UHRF1: variants seen among roughly 807,000 people sequenced by gnomAD.
UHRF1 encodes the protein ubiquitin like with PHD and ring finger domains 1, also known as E3 ubiquitin-protein ligase UHRF1.
UHRF1 carries 9 observed loss-of-function variants against 96.5 expected under a neutral mutation model. The observed-to-expected ratio is 0.09, with a 90% CI of 0.06 to 0.16. The LOEUF (loss-of-function observed/expected upper bound fraction) is 0.16, where lower values mean the gene tolerates loss of function less well. Ranked by LOEUF, UHRF1 falls within the 10% of genes least tolerant of loss-of-function variation. The pLI, the probability that UHRF1 is intolerant of heterozygous loss-of-function variation, is 1.00. For missense variants in UHRF1, 626 were observed against 1,131.1 expected (o/e 0.55, Z 6.40); for synonymous variants, 455 against 469.9 (o/e 0.97, Z 0.41).
Position 4,950,725 on chromosome 19 carries a change from T to C in UHRF1, c.1632T>C (p.Asn544=), listed in dbSNP as rs771751939. The C allele has an allele frequency of 3.1e-6, 5 of 1,606,772 alleles. No individual in the cohort carries two copies. The South Asian group carries it at 3.3e-5, about 11-fold the overall frequency. Residue 544 remains asparagine (N), a synonymous_variant, in exon 12 of 17, where the codon AAT becomes AAC. Coordinates refer to ENST00000650932, the MANE Select transcript of UHRF1 (RefSeq NM_001048201.3). ...RVVRNVKGGK[N]SKYAPAEGNR... Reference sequence around the variant, plus strand: ...TGCGCAATGTCAAGGGTGGCAAGAATAGCAAGTACGCCCCCGCTGAGGGCA... The same window carrying C: ...TGCGCAATGTCAAGGGTGGCAAGAACAGCAAGTACGCCCCCGCTGAGGGCA...
At position 4,915,884 on chromosome 19, in the gene UHRF1, C is replaced by T. The variant is rs1006436929; in HGVS notation, c.153+4846C>T. 3.9e-5 allele frequency among the ~76,000 whole-genome samples: 6 copies of T among 152,172 alleles called. No homozygotes were observed. In the South Asian group the frequency reaches 6.2e-4, roughly 16 times the overall value. The stretch of plus-strand genomic sequence containing the variant: ...TGGAATGTGCTGGAACAGATCCTTA[C>T]GTGCGCTGTGTTGGAGTCTTTCCAG... On this transcript the variant is annotated intron_variant, in intron 2 of 16. Coordinates refer to ENST00000650932, the MANE Select transcript of UHRF1 (RefSeq NM_001048201.3).
At chr19:4,937,322 A>C in intron 5 of UHRF1, among the ~76,000 whole-genome samples, 2 of 119,712 alleles carry the variant, frequency 1.7e-5, no homozygotes, top group African/African-American at 3.3e-5. Flanking sequence ...TTAACGACCC[A>C]TTGGATATCT....
intron 16 of UHRF1, among the ~76,000 whole-genome samples, chr19:4,957,434 G>A (rs1255791928): frequency 2.0e-5 from 3 of 149,588 alleles, no homozygotes; most frequent in African/African-American, 7.4e-5. Context: ...TCAGCCTCCC[G>A]AGTAGCTGGG....
rs561985429 is a variant in UHRF1, at chr19:4,942,028, G to T, written c.1073+97G>T. The T allele has an allele frequency of 2.2e-5, 28 of 1,275,966 alleles. No homozygotes were observed. In the South Asian group the frequency reaches 6.0e-4, roughly 27 times the overall value. 79.0% of individuals were successfully genotyped at this position (1,275,966 alleles called of 1,614,324 possible). ...ATACAGGAGAGGGGCAGGCGCGGGG[G>T]CTCACGCCTGCAATCCCAGTGCTTT... On this transcript the variant is annotated intron_variant, in intron 7 of 16. Transcript: ENST00000650932.
intron 5 of UHRF1, among the ~76,000 whole-genome samples, chr19:4,939,885 G>T (rs889863777): frequency 6.6e-6 from 1 of 152,054 alleles, no homozygotes; most frequent in Admixed American, 6.6e-5. Flanking sequence ...TTAGCCAGGC[G>T]TGGTGGCGGG....
At chr19:4,932,126 C>T (rs1308006365) in intron 4 of UHRF1, among the ~76,000 whole-genome samples, 2 of 152,050 alleles carry the variant, frequency 1.3e-5, no homozygotes, top group African/African-American at 2.4e-5. Flanking sequence ...TGGGGTTTCT[C>T]CATGTTGGCT....
chr19:4,907,255 A>C (rs1599228764), upstream of UHRF1, among the ~76,000 whole-genome samples: 1 of 151,656 alleles, frequency 6.6e-6, no homozygotes, highest in African/African-American at 2.4e-5. Flanking sequence ...GATTATAGGC[A>C]CACACCACCC....
chr19:4,956,355 G>T (rs535809446), intron 15 of UHRF1, among the ~76,000 whole-genome samples: 43 of 152,172 alleles, frequency 2.8e-4, no homozygotes, highest in Non-Finnish European at 8.8e-5. Flanking sequence ...GTGAGCTGCC[G>T]CTCCCAGCCA....
At chr19:4,917,850 T>A (rs911804268) in intron 2 of UHRF1, among the ~76,000 whole-genome samples, 3 of 151,666 alleles carry the variant, frequency 2.0e-5, no homozygotes, top group African/African-American at 7.3e-5. Flanking sequence ...TGAAAAAACT[T>A]TTTTGCAGAG....
At chr19:4,914,188 A>G (rs1365597209) in intron 2 of UHRF1, among the ~76,000 whole-genome samples, 1 of 152,016 alleles carries the variant, frequency 6.6e-6, no homozygotes, top group Non-Finnish European at 1.5e-5. Context: ...CAGAGAGGTG[A>G]TGCAGTTTCC....
Position 4,947,217 on chromosome 19 carries a change from T to A in UHRF1, c.1517+6T>A. On this transcript the variant is annotated splice_donor_region_variant and intron_variant, in intron 11 of 16. Coordinates refer to ENST00000650932, the MANE Select transcript of UHRF1 (RefSeq NM_001048201.3). ...AAACTCACCAACACCAACAGGTTTG[T>A]GGAATCAGCCTTCTTATTTCCTTGC... The A allele has an allele frequency of 6.2e-7, 1 of 1,613,196 alleles. No homozygotes were observed. The highest frequency in any genetic ancestry group is 8.5e-7 in the Non-Finnish European group (1 of 1,179,236).
At chr19:4,951,696 C>CAAA (rs771845391) in intron 13 of UHRF1, among the ~76,000 whole-genome samples, 2 of 83,300 alleles carry the variant, frequency 2.4e-5, no homozygotes, top group South Asian at 3.4e-4. Flanking sequence ...TGGCTCATCA[C>CAAA]AAAAAAAAAA....
intron 2 of UHRF1, among the ~76,000 whole-genome samples, chr19:4,916,135 C>A (rs2032490025): frequency 2.0e-5 from 3 of 151,978 alleles, no homozygotes. Context: ...TAGCAAGACC[C>A]CGTCTCTACA....
At chr19:4,941,281 G>A (rs1341644843) in intron 5 of UHRF1, among the ~76,000 whole-genome samples, 1 of 151,618 alleles carries the variant, frequency 6.6e-6, no homozygotes. Context: ...AGTGGAGGCG[G>A]GGGTTCACCA....
At chr19:4,905,297 T>A (rs2032044255), upstream of UHRF1, among the ~76,000 whole-genome samples, 1 of 149,920 alleles carries the variant, frequency 6.7e-6, no homozygotes, top group Non-Finnish European at 1.5e-5. Flanking sequence ...TTTTTTGTAT[T>A]TTTAGTAGAG....
chr19:4,953,433 AT>A (rs1220271486), intron 13 of UHRF1, among the ~76,000 whole-genome samples: 1 of 152,058 alleles, frequency 6.6e-6, no homozygotes, highest in Non-Finnish European at 1.5e-5. Context: ...GCATTTCCAA[AT>A]TGTCAGCATC....
chr19:4,938,764 G>C lies in UHRF1; in HGVS notation c.786-2764G>C, dbSNP rs74178458. ...TTTTTTTTTTTTTTTTTTTTTTTGA[G>C]ATAAGGTCTTGCTCTGTTGCCCAGG... is the stretch of plus-strand genomic sequence containing the variant. On this transcript the variant is annotated intron_variant, in intron 5 of 16. Transcript: ENST00000650932. 2.1e-3 allele frequency among the ~76,000 whole-genome samples: 96 copies of C among 45,916 alleles called. 5 individuals carry two copies. The South Asian group carries it at 0.064, about 31-fold the overall frequency. 30.1% of individuals were successfully genotyped at this position (45,916 alleles called of 152,430 possible).
chr19:4,914,077 T>C (rs1312736780), intron 2 of UHRF1, among the ~76,000 whole-genome samples: 2 of 151,856 alleles, frequency 1.3e-5, no homozygotes, highest in Non-Finnish European at 2.9e-5. Flanking sequence ...TCCCCCACCT[T>C]GGCCTCCCAA....
chr19:4,954,576 C>G lies in UHRF1; in HGVS notation c.1958-74C>G. Reference sequence around the variant, plus strand: ...GGGTGTGGGGTTGAGGTCGTGTGGACGTGGGAGCCGGTGGCTGTCTCTCCG... The same window carrying G: ...GGGTGTGGGGTTGAGGTCGTGTGGAGGTGGGAGCCGGTGGCTGTCTCTCCG... On this transcript the variant is annotated intron_variant, in intron 14 of 16. Transcript: ENST00000650932. The surrounding 1 kb of genome is among the most constrained non-coding windows in gnomAD (Gnocchi z 5.9). 1 of 1,588,776 alleles carries G rather than the reference C, an allele frequency of 6.3e-7. No homozygotes were observed.
Sources: gnomAD v4.1 joint callset for allele counts (sites outside exome capture counted in the v4.1 genomes callset) on GRCh38, gnomAD v4.1.1 for gene constraint, Gnocchi (gnomAD v3.1) non-coding constraint, MANE v1.5 for transcripts, NCBI Gene and HGNC (gene_info 2026-07-23, HGNC 2026-07-21) for gene names.